RTEL1: variants seen among roughly 807,000 people sequenced by gnomAD.
The protein encoded by RTEL1 is regulator of telomere length.
Under a neutral mutation model 162.2 loss-of-function variants are expected in RTEL1, and 86 were observed. That is an observed-to-expected ratio of 0.53 (90% CI 0.45 to 0.63). The LOEUF is 0.63. Among genes scored for constraint, RTEL1 ranks in the 30% least tolerant of loss-of-function variants. RTEL1 has a pLI of 0.00. For missense variants in RTEL1, 1,941 were observed against 1,750.2 expected (o/e 1.11, Z -1.95); for synonymous variants, 958 against 717.9 (o/e 1.33, Z -5.35).
rs371373011 is a variant in RTEL1 at position 63,695,504 on chromosome 20, G to A, written c.3676G>A (p.Ala1226Thr). 9.3e-6 allele frequency: 15 copies of A among 1,611,358 alleles called. No homozygotes were observed. Among genetic ancestry groups the A allele is most frequent in the Admixed American group, 8.3e-5 (5 of 59,896 alleles). The change falls in exon 34 of 35, where the codon GCT becomes ACT. Residue 1226 changes from alanine to threonine, a missense_variant. Physicochemically the swap from Ala to Thr is moderately conservative, Grantham distance 58 (BLOSUM62 0). Coordinates refer to ENST00000360203, the MANE Select transcript of RTEL1 (RefSeq NM_001283009.2). ...EWGEPHGRDI[A>T]GQQATGAPGG... ...GGGTGAGCCTCATGGGAGAGACATC[G>A]CTGGGCAGCAGGCCACGGGAGCTCC... is the stretch of plus-strand genomic sequence containing the variant.
intron 8 of RTEL1, among the ~76,000 whole-genome samples, chr20:63,667,767 G>A (rs775007195): frequency 1.8e-4 from 28 of 152,082 alleles, no homozygotes; most frequent in Admixed American, 6.5e-4. Flanking sequence ...GTCTGGGAGC[G>A]GGCAGGCTGG....
intron 6 of RTEL1, chr20:63,665,179 C>G (rs566188318): frequency 6.5e-6 from 1 of 152,952 alleles, no homozygotes; most frequent in South Asian, 2.1e-4. Flanking sequence ...GAGTCCTGGC[C>G]CTCGGGGGGC....
rs911531231 is a variant in RTEL1, at chr20:63,689,454, G to A, written c.1879-48G>A. 2.7e-6 allele frequency: 4 copies of A among 1,478,926 alleles called. No individual in the cohort carries two copies. The African/African-American group carries it at 5.6e-5, about 21-fold the overall frequency. 91.6% of individuals were successfully genotyped at this position (1,478,926 alleles called of 1,614,324 possible). On this transcript the variant is annotated intron_variant, in intron 22 of 34. Coordinates refer to ENST00000360203, the MANE Select transcript of RTEL1 (RefSeq NM_001283009.2). ...TGGCTGGGCTGGGTGTGGGCACCAG[G>A]GAGAGGAGCCCCCACGGCCCCAGGC...
intron 7 of RTEL1, 28 bp downstream of exon 7, chr20:63,666,107 A>G (rs1211446354): frequency 6.9e-6 from 11 of 1,588,014 alleles, no homozygotes; most frequent in South Asian, 2.2e-5. Flanking sequence ...GGCCACGACC[A>G]CTGTCCTTCC....
intron 4 of RTEL1, 145 bp downstream of exon 4, chr20:63,662,088 C>T (rs1386562586): frequency 1.4e-6 from 1 of 701,842 alleles, no homozygotes; most frequent in East Asian, 2.7e-5. Flanking sequence ...GCGCTGGTGC[C>T]CAGGGGTGGG....
chr20:63,692,759 G>C lies in RTEL1; in HGVS notation c.2653-46G>C, dbSNP rs764469904. 6.4e-6 allele frequency: 10 copies of C among 1,567,924 alleles called. No individual in the cohort carries two copies. The South Asian group carries it at 1.1e-4, about 17-fold the overall frequency. On this transcript the variant is annotated intron_variant, in intron 28 of 34. Transcript: ENST00000360203. Reference sequence around the variant, plus strand: ...GAAGGCTCTGCAGCCCCAGGGACCAGATGATGAGGCTGGCCCTGATGGAGC... The same window carrying C: ...GAAGGCTCTGCAGCCCCAGGGACCACATGATGAGGCTGGCCCTGATGGAGC...
Position 63,659,508 on chromosome 20 carries a change from G to C in RTEL1, c.102+4G>C. The C allele has an allele frequency of 1.2e-6, 2 of 1,608,310 alleles. No individual in the cohort carries two copies. The highest frequency in any genetic ancestry group is 1.7e-6 in the Non-Finnish European group (2 of 1,174,698). On this transcript the variant is annotated splice_donor_region_variant and intron_variant, in intron 2 of 34. Transcript: ENST00000360203. ...GGTCCTGGAATGTCTGCAGCAGGTA[G>C]AGCACAGGCCCCGAGGAAAGGACTG...
intron 18 of RTEL1, 37 bp downstream of exon 18, chr20:63,688,087 G>C: frequency 6.2e-7 from 1 of 1,612,182 alleles, no homozygotes; most frequent in Non-Finnish European, 8.5e-7. Context: ...GGGGTGGGAG[G>C]TGGGGGAGCA....
rs751341410 is a variant in RTEL1, at chr20:63,659,283, A to G, written c.-120A>G. On this transcript the variant is annotated 5_prime_UTR_variant, in exon 2 of 35. An upstream start codon of the reference 5' UTR is lost. Transcript: ENST00000360203. ...AGAACAGCGTTGTGTCCCAGTGCACATGCTCGCATCGCTTACCAGGAGTGC... is the reference window on the plus strand; with the variant it reads ...AGAACAGCGTTGTGTCCCAGTGCACGTGCTCGCATCGCTTACCAGGAGTGC... 8 of 706,278 alleles carry G rather than the reference A, an allele frequency of 1.1e-5. No individual in the cohort carries two copies. In the Admixed American group the frequency reaches 1.4e-4, roughly 12 times the overall value. 43.8% of individuals were successfully genotyped at this position (706,278 alleles called of 1,614,324 possible). A position where few individuals can be genotyped will look rare whatever the true frequency, so the allele number is the denominator to read the frequency against.
chr20:63,667,408 G>A, intron 7 of RTEL1, 61 bp from the exon 8 acceptor site: 2 of 1,339,828 alleles, frequency 1.5e-6, no homozygotes, highest in East Asian at 2.3e-5. Flanking sequence ...AGACATGGCG[G>A]CCTCGGGGCA....
chr20:63,685,423 A>AC, intron 14 of RTEL1, 100 bp from the exon 15 acceptor site: 1 of 1,205,224 alleles, frequency 8.3e-7, no homozygotes, highest in South Asian at 1.4e-5. Flanking sequence ...TGAACCGATG[A>AC]CCCCTGGGTG....
intron 14 of RTEL1, chr20:63,681,861 A>G: frequency 1.0e-6 from 1 of 985,350 alleles, no homozygotes; most frequent in Non-Finnish European, 1.2e-6. Flanking sequence ...CCCCAAAGGC[A>G]CGGTGGGCAT....
chr20:63,674,682 A>C (rs1250717617), intron 10 of RTEL1, among the ~76,000 whole-genome samples: 1 of 151,780 alleles, frequency 6.6e-6, no homozygotes, highest in Non-Finnish European at 1.5e-5. Context: ...CCTGGGCGGC[A>C]GAGTGAGGCC....
chr20:63,690,483 G>GGGGGGGGGGGGGGGGGGGGGGGGGT, intron 26 of RTEL1, 42 bp downstream of exon 26: 1 of 1,281,036 alleles, frequency 7.8e-7, no homozygotes, highest in Non-Finnish European at 1.1e-6. Flanking sequence ...GGGGGTGGCG[G>GGGGGGGGGGGGGGGGGGGGGGGGGT]AGCGGGCGGC....
chr20:63,662,592 C>T lies in RTEL1; in HGVS notation c.442C>T (p.Pro148Ser), dbSNP rs2090042476. ...LGSREQLCIH[P>S]EVKKQESNHL... ...CTCCCGGGAGCAGCTGTGCATCCAT[C>T]CTGAGGTGAAGAAACAAGAGAGTAA... Residue 148 changes from proline to serine, a missense_variant, in exon 5 of 35, where the codon CCT becomes TCT. By Grantham distance (74) the Pro-to-Ser change is moderately conservative. Transcript: ENST00000360203. The T allele has an allele frequency of 6.2e-7, 1 of 1,614,088 alleles. No homozygotes were observed.
rs1300653905 is a variant in RTEL1 at position 63,695,213 on chromosome 20, C to T, written c.3491C>T (p.Pro1164Leu). The T allele has an allele frequency of 3.7e-6, 6 of 1,611,684 alleles. No individual in the cohort carries two copies. The highest frequency in any genetic ancestry group is 3.4e-6 in the Non-Finnish European group (4 of 1,179,478). The change falls in exon 33 of 35, where the codon CCC (proline) becomes CTC (leucine). Residue 1164 changes from proline (P) to leucine (L), a missense_variant. Transcript: ENST00000360203. Reference protein sequence around the residue: ...AVPPVLTHRAPQPGPSRSEKT... With the variant: ...AVPPVLTHRALQPGPSRSEKT... The stretch of plus-strand genomic sequence containing the variant: ...CCTCCTGTGCTTACCCACAGGGCTC[C>T]CCAACCAGGTAGGGCACCTGCCTGG...
chr20:63,670,834 AAAAAG>A (rs2090226719), intron 8 of RTEL1, among the ~76,000 whole-genome samples: 2 of 152,002 alleles, frequency 1.3e-5, no homozygotes, highest in South Asian at 2.1e-4. Context: ...AAAAAAAAGA[AAAAAG>A]AAAAGACTTC....
intron 14 of RTEL1, among the ~76,000 whole-genome samples, chr20:63,684,806 T>C (rs1291365577): frequency 6.6e-6 from 1 of 152,084 alleles, no homozygotes; most frequent in Admixed American, 6.5e-5. Context: ...TGACGTTTTT[T>C]CCATAGTGCA....
In RTEL1 at chr20:63,692,933, C is replaced by G; in HGVS notation, c.2781C>G (p.Asp927Glu). 6.2e-7 allele frequency: 1 copy of G among 1,612,676 alleles called. No individual in the cohort carries two copies. Among genetic ancestry groups the G allele is most frequent in the Non-Finnish European group, 8.5e-7 (1 of 1,179,862 alleles). The change falls in exon 29 of 35, where the codon GAC (aspartate) becomes GAG (glutamate). Residue 927 changes from aspartate (D) to glutamate (E), a missense_variant. Asp to Glu is a conservative substitution (Grantham distance 45). Coordinates refer to ENST00000360203, the MANE Select transcript of RTEL1 (RefSeq NM_001283009.2). ...TGCAGGACTACAAGGGTTCCGATGA[C>G]TTCGCCGCCCTGGCCGCCTGTCTCG... is the stretch of plus-strand genomic sequence containing the variant. Reference protein sequence around the residue: ...QALQDYKGSDDFAALAACLGP... With the variant: ...QALQDYKGSDEFAALAACLGP...
Sources: gnomAD v4.1 joint callset for allele counts (sites outside exome capture counted in the v4.1 genomes callset) on GRCh38, gnomAD v4.1.1 for gene constraint, MANE v1.5 for transcripts, NCBI Gene and HGNC (gene_info 2026-07-23, HGNC 2026-07-21) for gene names.